Variants in DTHD1 observed in about 807,000 individuals in gnomAD.
DTHD1 encodes death domain containing 1, also known as death domain-containing protein 1.
In DTHD1, 59 loss-of-function variants were observed where a neutral mutation model predicts 74.8. The ratio of observed to expected loss-of-function variants is 0.79; its 90% confidence interval spans 0.64 to 0.98. The LOEUF (loss-of-function observed/expected upper bound fraction) is 0.98, where lower values mean the gene tolerates loss of function less well. DTHD1 is among the 50% of genes least tolerant of loss of function. The pLI is 0.00. For synonymous variants in DTHD1, 365 were observed against 371.1 expected (o/e 0.98, Z 0.19); for missense variants, 1,051 against 1,065.4 (o/e 0.99, Z 0.19).
intron 2 of DTHD1, among the ~76,000 whole-genome samples, chr4:36,287,480 C>A (rs944972698): frequency 1.3e-5 from 2 of 152,198 alleles, no homozygotes; most frequent in Non-Finnish European, 2.9e-5. Flanking sequence ...ATAATGACTT[C>A]TTTTCCTCTG....
chr4:36,293,845 A>G, intron 4 of DTHD1, 140 bp downstream of exon 4: 1 of 585,748 alleles, frequency 1.7e-6, no homozygotes, highest in South Asian at 5.6e-5. Context: ...GGCCTAATAT[A>G]TAGTGATATC....
chr4:36,337,826 T>A (rs748366583), intron 8 of DTHD1, among the ~76,000 whole-genome samples: 2 of 152,232 alleles, frequency 1.3e-5, no homozygotes, highest in Non-Finnish European at 2.9e-5. Flanking sequence ...AACACTTACA[T>A]CATCCTTGTA....
chr4:36,319,343 C>A (rs945949003), intron 8 of DTHD1, among the ~76,000 whole-genome samples: 3 of 152,174 alleles, frequency 2.0e-5, no homozygotes, highest in Non-Finnish European at 4.4e-5. Context: ...AGTTTAAGAA[C>A]TATTGACTTG....
rs1243450964 is a variant in DTHD1, at chr4:36,308,306, A to C, written c.1908A>C (p.Val636=). ...TGCTCAGCACCACTGCCTGCATAGT[A>C]CTGTCTCACCAGAAGGACAATCCAC... ...EAMLSTTACI[V]LSHQKDNPHR... Residue 636 remains valine (V), a synonymous_variant, in exon 7 of 10, where the codon GTA becomes GTC. Transcript: ENST00000639862. 2.6e-6 allele frequency: 4 copies of C among 1,551,938 alleles called. No individual in the cohort carries two copies. Among genetic ancestry groups the C allele is most frequent in the Non-Finnish European group, 3.5e-6 (4 of 1,147,062 alleles).
At chr4:36,284,671 A>T in intron 2 of DTHD1, 80 bp downstream of exon 2, 1 of 1,086,934 alleles carries the variant, frequency 9.2e-7, no homozygotes, top group Admixed American at 3.1e-5. Context: ...GTCTTAGTTC[A>T]TTCAGGCTGC....
At chr4:36,292,040 G>A (rs958125209) in intron 3 of DTHD1, among the ~76,000 whole-genome samples, 14 of 152,064 alleles carry the variant, frequency 9.2e-5, no homozygotes, top group Non-Finnish European at 1.9e-4. Context: ...TTGTGATTTT[G>A]ATTTTTTCTG....
chr4:36,336,974 G>A (rs933483365), intron 8 of DTHD1, among the ~76,000 whole-genome samples: 2 of 152,090 alleles, frequency 1.3e-5, no homozygotes, highest in Admixed American at 6.6e-5. Context: ...AAAGTGGGGG[G>A]AAATGAGAGC....
At chr4:36,311,154 C>G (rs1381937346) in intron 7 of DTHD1, 1 of 152,194 alleles carries the variant, frequency 6.6e-6, no homozygotes, top group Admixed American at 6.5e-5. Flanking sequence ...AAACCAAGAG[C>G]GTCCAAGGCA....
intron 9 of DTHD1, among the ~76,000 whole-genome samples, chr4:36,341,249 C>T (rs939453660): frequency 6.6e-6 from 1 of 151,864 alleles, no homozygotes; most frequent in African/African-American, 2.4e-5. Context: ...GATGAGGAGG[C>T]CTGAGAGTGT....
At position 36,308,329 on chromosome 4, in the gene DTHD1, C is replaced by T. The variant is rs1167757549; in HGVS notation, c.1931C>T (p.Pro644Leu). 1 of 1,551,808 alleles carries T rather than the reference C, an allele frequency of 6.4e-7. No homozygotes were observed. Among genetic ancestry groups the T allele is most frequent in the African/African-American group, 1.4e-5 (1 of 73,046 alleles). ...CIVLSHQKDN[P>L]HRIAVLVVPS... ...GTACTGTCTCACCAGAAGGACAATC[C>T]ACATAGAATAGCTGTTTTAGTGGTG... The change falls in exon 7 of 10, where the codon CCA becomes CTA. Residue 644 changes from proline to leucine, a missense_variant. Coordinates refer to ENST00000639862, the MANE Select transcript of DTHD1 (RefSeq NM_001170700.3).
At chr4:36,283,730 T>C (rs1036802863) in intron 1 of DTHD1, 5 of 481,500 alleles carry the variant, frequency 1.0e-5, no homozygotes, top group African/African-American at 1.0e-4. Context: ...AGTATCTTTA[T>C]AAGCAAGAGG....
intron 5 of DTHD1, among the ~76,000 whole-genome samples, chr4:36,302,043 G>A (rs771989097): frequency 1.3e-5 from 2 of 148,696 alleles, no homozygotes; most frequent in Non-Finnish European, 1.5e-5. Context: ...GGGCCAGGGT[G>A]CGGGGGCCCA....
chr4:36,299,171 A>T (rs1453009538), intron 5 of DTHD1, among the ~76,000 whole-genome samples: 1 of 151,988 alleles, frequency 6.6e-6, no homozygotes, highest in Non-Finnish European at 1.5e-5. Context: ...ACATATACTT[A>T]TATTTGTCCT....
In DTHD1 at chr4:36,284,345, A is replaced by G. The variant is rs1755577114; in HGVS notation, c.641A>G (p.Asp214Gly). ...GAGTCACAGAATAAAATGTTCCCAG[A>G]TAATGCAGAAAATGAAGATGATAAA... ...QEESQNKMFP[D>G]NAENEDDKQI... Residue 214 changes from aspartate to glycine, a missense_variant, in exon 2 of 10, where the codon GAT becomes GGT. Asp to Gly is a moderately conservative substitution (Grantham distance 94, BLOSUM62 -1). Transcript: ENST00000639862. The G allele has an allele frequency of 2.0e-6, 3 of 1,537,220 alleles. No homozygotes were observed. The highest frequency in any genetic ancestry group is 2.0e-5 in the Admixed American group (1 of 51,010).
In DTHD1 at chr4:36,292,095, T is replaced by A. The variant is rs1020954499; in HGVS notation, c.1218+1392T>A. ...TAGTTGAGTATGAAAGCTAAGCCTATTACATTTACTTATTTCAGTTCCTGC... is the reference window on the plus strand; with the variant it reads ...TAGTTGAGTATGAAAGCTAAGCCTAATACATTTACTTATTTCAGTTCCTGC... On this transcript the variant is annotated intron_variant, in intron 3 of 9. Transcript: ENST00000639862. 5.3e-5 allele frequency among the ~76,000 whole-genome samples: 8 copies of A among 152,328 alleles called. 1 individual carries two copies. The East Asian group carries it at 1.5e-3, about 29-fold the overall frequency.
intron 8 of DTHD1, among the ~76,000 whole-genome samples, chr4:36,326,133 C>A (rs1304813724): frequency 1.3e-5 from 2 of 152,040 alleles, no homozygotes; most frequent in Non-Finnish European, 2.9e-5. Flanking sequence ...AAGACTCTTC[C>A]CACGGGCTGC....
chr4:36,304,772 C>A (rs1756951090), intron 5 of DTHD1, among the ~76,000 whole-genome samples: 2 of 152,186 alleles, frequency 1.3e-5, no homozygotes, highest in East Asian at 3.8e-4. Context: ...AAACAGTGAA[C>A]CTCTGCTTTC....
intron 8 of DTHD1, among the ~76,000 whole-genome samples, chr4:36,325,459 G>C: frequency 6.6e-6 from 1 of 151,988 alleles, no homozygotes; most frequent in East Asian, 1.9e-4. Context: ...ACATTACTAC[G>C]ACAGCCTATA....
chr4:36,342,938 A>AT, intron 9 of DTHD1, among the ~76,000 whole-genome samples: 1 of 149,254 alleles, frequency 6.7e-6, no homozygotes, highest in South Asian at 2.2e-4. Flanking sequence ...AAAAAAAAAA[A>AT]ATCCCATCGT....
Sources: allele counts gnomAD v4.1 joint callset (sites outside exome capture counted in the v4.1 genomes callset), GRCh38; gene constraint gnomAD v4.1.1; transcripts MANE v1.5; gene names NCBI Gene and HGNC (gene_info 2026-07-23, HGNC 2026-07-21).